The following ADGRV1 variants were observed in gnomAD, a reference collection of about 807,000 sequenced individuals.
The protein encoded by ADGRV1 is adhesion G protein-coupled receptor V1, also known as G-protein coupled receptor 98.
In ADGRV1, 359 loss-of-function variants were observed where a neutral mutation model predicts 596.2. That is an observed-to-expected ratio of 0.60 (90% CI 0.55 to 0.66). The LOEUF is 0.66. Among genes scored for constraint, ADGRV1 ranks in the 30% least tolerant of loss-of-function variants. ADGRV1 has a pLI of 0.00. For synonymous variants in ADGRV1, 2,681 were observed against 2,679.2 expected (o/e 1.00, Z -0.02); for missense variants, 7,274 against 7,575.6 (o/e 0.96, Z 1.48).
intron 86 of ADGRV1, among the ~76,000 whole-genome samples, chr5:91,098,916 G>T (rs966260500): frequency 1.3e-5 from 2 of 152,210 alleles, no homozygotes; most frequent in Admixed American, 6.5e-5. Flanking sequence ...AGAAAAGAAT[G>T]CAGTTGCCAG....
chr5:90,697,240 A>C, intron 34 of ADGRV1, 94 bp downstream of exon 34: 1 of 1,154,424 alleles, frequency 8.7e-7, no homozygotes, highest in Non-Finnish European at 1.2e-6. Context: ...TTTCCCTTTC[A>C]TTATTTTGTT....
At position 90,693,137 on chromosome 5, in the gene ADGRV1, GT is replaced by G. The variant is rs138813234; in HGVS notation, c.7133+361del. Among the ~76,000 whole-genome samples the G allele has an allele frequency of 6.1e-5, 8 of 131,810 alleles. 1 individual carries two copies. Among genetic ancestry groups the G allele is most frequent in the Admixed American group, 3.8e-4 (5 of 13,152 alleles). 86.5% of individuals were successfully genotyped at this position (131,810 alleles called of 152,430 possible). On this transcript the variant is annotated intron_variant, in intron 32 of 89. Coordinates refer to ENST00000405460, the MANE Select transcript of ADGRV1 (RefSeq NM_032119.4). ...TATGAAGGAGCTGATTTCCAGGTCT[GT>G]TTTTTTTTTCTTTTTTTGTGAGGCA...
intron 85 of ADGRV1, among the ~76,000 whole-genome samples, chr5:91,071,134 A>G (rs1788355053): frequency 6.6e-6 from 1 of 152,154 alleles, no homozygotes; most frequent in Non-Finnish European, 1.5e-5. Flanking sequence ...AAGGAAATAG[A>G]AAGGGAGAGA....
intron 18 of ADGRV1, 126 bp downstream of exon 18, chr5:90,651,856 G>A: frequency 1.7e-6 from 1 of 574,954 alleles, no homozygotes. Flanking sequence ...AAAGTTGGCA[G>A]TCTGAATGAG....
Position 90,853,488 on chromosome 5 carries a change from A to G in ADGRV1, c.17409A>G (p.Gln5803=), listed in dbSNP as rs1581329298. 2.5e-6 allele frequency: 4 copies of G among 1,612,964 alleles called. No individual in the cohort carries two copies. Among genetic ancestry groups the G allele is most frequent in the Non-Finnish European group, 3.4e-6 (4 of 1,179,268 alleles). Reference sequence around the variant, plus strand: ...TCCAGTTTACAGAGTATAGCAGCCAACAGTGGTTTATAAGTGGAAACAATC... The same window carrying G: ...TCCAGTTTACAGAGTATAGCAGCCAGCAGTGGTTTATAAGTGGAAACAATC... ...KLVQFTEYSS[Q]QWFISGNNLP... The change falls in exon 80 of 90, where the codon CAA becomes CAG. Residue 5803 remains glutamine (Q), a synonymous_variant. Coordinates refer to ENST00000405460, the MANE Select transcript of ADGRV1 (RefSeq NM_032119.4).
rs540046478 is a variant in ADGRV1 at position 90,610,177 on chromosome 5, T to G, written c.23-4658T>G. 2.3e-4 allele frequency among the ~76,000 whole-genome samples: 35 copies of G among 152,116 alleles called. No homozygotes were observed. The South Asian group carries it at 7.3e-3, about 32-fold the overall frequency. ...GAGTCAAGATGGGAGGAAGGTACTG[T>G]CCTAGATAAACAGGATTTAGAATTT... On this transcript the variant is annotated intron_variant, in intron 1 of 89. Transcript: ENST00000405460.
chr5:90,927,904 T>C (rs1169805081), intron 83 of ADGRV1, among the ~76,000 whole-genome samples: 2 of 152,300 alleles, frequency 1.3e-5, no homozygotes, highest in Non-Finnish European at 2.9e-5. Context: ...GTAGTTTGGC[T>C]GGATATGAAA....
intron 77 of ADGRV1, among the ~76,000 whole-genome samples, chr5:90,838,845 G>A (rs1262583480): frequency 1.3e-5 from 2 of 151,968 alleles, no homozygotes; most frequent in Non-Finnish European, 2.9e-5. Flanking sequence ...TGTTGATATA[G>A]CGAGACCCTC....
chr5:90,585,016 T>C (rs1223145304), intron 1 of ADGRV1, among the ~76,000 whole-genome samples: 1 of 152,096 alleles, frequency 6.6e-6, no homozygotes, highest in Non-Finnish European at 1.5e-5. Flanking sequence ...GAGGATGTGG[T>C]TTCTGGGTTA....
intron 1 of ADGRV1, among the ~76,000 whole-genome samples, chr5:90,566,783 T>C (rs1755690442): frequency 6.6e-6 from 1 of 152,072 alleles, no homozygotes. Context: ...GTTTAATTTA[T>C]CTTTTCCAAG....
intron 87 of ADGRV1, among the ~76,000 whole-genome samples, chr5:91,148,696 C>T (rs911675167): frequency 1.3e-5 from 2 of 152,170 alleles, no homozygotes; most frequent in Non-Finnish European, 2.9e-5. Context: ...TGAGAAGAGG[C>T]CCACCATCTT....
chr5:90,593,602 T>C (rs1198665051), intron 1 of ADGRV1, among the ~76,000 whole-genome samples: 1 of 152,150 alleles, frequency 6.6e-6, no homozygotes, highest in Non-Finnish European at 1.5e-5. Context: ...AGTATAATAA[T>C]AATTTTTTAA....
chr5:90,808,120 ATAT>A (rs1258693016), intron 73 of ADGRV1, among the ~76,000 whole-genome samples: 1 of 152,234 alleles, frequency 6.6e-6, no homozygotes, highest in Non-Finnish European at 1.5e-5. Flanking sequence ...TAGGGTGATA[ATAT>A]TACTTATTTG....
chr5:90,687,346 T>A (rs1458623415), intron 29 of ADGRV1, among the ~76,000 whole-genome samples: 1 of 152,196 alleles, frequency 6.6e-6, no homozygotes, highest in African/African-American at 2.4e-5. Flanking sequence ...TGGTTTTAGG[T>A]CTAACGTTTA....
chr5:90,598,101 A>C (rs1405621779), intron 1 of ADGRV1, among the ~76,000 whole-genome samples: 2 of 152,254 alleles, frequency 1.3e-5, no homozygotes, highest in Non-Finnish European at 2.9e-5. Flanking sequence ...AGGCAAGAAT[A>C]GATTTAAAAA....
At chr5:90,977,894 A>G (rs899749290) in intron 84 of ADGRV1, among the ~76,000 whole-genome samples, 1 of 152,150 alleles carries the variant, frequency 6.6e-6, no homozygotes, top group Non-Finnish European at 1.5e-5. Context: ...TACTTCTCCC[A>G]TCCTCCGTTT....
chr5:90,880,093 G>A (rs985512564), intron 83 of ADGRV1, among the ~76,000 whole-genome samples: 5 of 151,924 alleles, frequency 3.3e-5, no homozygotes, highest in Non-Finnish European at 5.9e-5. Context: ...ATATTCCAGA[G>A]ACTTCAGGTA....
intron 70 of ADGRV1, among the ~76,000 whole-genome samples, chr5:90,797,287 C>CA (rs780696194): frequency 0.13 from 3,521 of 26,196 alleles, 120 homozygotes; most frequent in East Asian, 0.22. Context: ...AAATGAAAAG[C>CA]AAAAAAAAAA....
Position 90,693,983 on chromosome 5 carries a change from C to T in ADGRV1, c.7227C>T (p.Ser2409=). 2 of 1,613,346 alleles carry T rather than the reference C, an allele frequency of 1.2e-6. No homozygotes were observed. Among genetic ancestry groups the T allele is most frequent in the Non-Finnish European group, 8.5e-7 (1 of 1,179,606 alleles). Residue 2409 remains serine, a synonymous_variant, in exon 33 of 90, where the codon TCC becomes TCT. Transcript: ENST00000405460. ...LAMEEGQDLL[S]YYESPIQGVP... is the part of the protein sequence containing the mutation. The stretch of plus-strand genomic sequence containing the variant: ...TGGAGGAAGGTCAAGATTTACTGTC[C>T]TACTATGAATCTCCAATTCAAGGGG...
Sources: allele counts gnomAD v4.1 joint callset (sites outside exome capture counted in the v4.1 genomes callset), GRCh38; gene constraint gnomAD v4.1.1; transcripts MANE v1.5; gene names NCBI Gene and HGNC (gene_info 2026-07-23, HGNC 2026-07-21).